Variants in ZNF106 observed in about 807,000 individuals in gnomAD.
ZNF106 encodes the protein SH3-domain binding protein 3.
Under a neutral mutation model 195.1 loss-of-function variants are expected in ZNF106, and 67 were observed. The ratio of observed to expected loss-of-function variants is 0.34; its 90% CI spans 0.28 to 0.42. ZNF106 has a LOEUF of 0.42. ZNF106 is among the 10% of genes least tolerant of loss of function. The pLI, the probability that ZNF106 is intolerant of heterozygous loss-of-function variation, is 1.00. For synonymous variants in ZNF106, 784 were observed against 818.6 expected (o/e 0.96, Z 0.72); for missense variants, 2,118 against 2,304.5 (o/e 0.92, Z 1.66).
chr15:42,446,729 C>G (rs976121930), intron 6 of ZNF106, 71 bp from the exon 7 acceptor site: 9 of 1,306,272 alleles, frequency 6.9e-6, no homozygotes, highest in South Asian at 1.4e-5. Context: ...AAAAAGGAAT[C>G]AATTCTAAGA....
In ZNF106 at chr15:42,417,065, G is replaced by A. The variant is rs2054483311; in HGVS notation, c.*239C>T. Reference sequence around the variant, plus strand: ...AGCATATATCACTATATGCCATGCTGTCCCAGAGAAGTATGGTTCCTTAAC... The same window carrying A: ...AGCATATATCACTATATGCCATGCTATCCCAGAGAAGTATGGTTCCTTAAC... On this transcript the variant is annotated 3_prime_UTR_variant, in exon 22 of 22. Coordinates refer to ENST00000564754, the MANE Select transcript of ZNF106 (RefSeq NM_001366845.3). The A allele has an allele frequency of 4.0e-6, 2 of 495,246 alleles. No homozygotes were observed. Among genetic ancestry groups the A allele is most frequent in the African/African-American group, 1.9e-5 (1 of 51,640 alleles). The allele number at this position is 495,246 out of a possible 1,614,324, so 30.7% of individuals were successfully genotyped here. A position where few individuals can be genotyped will look rare whatever the true frequency, so the allele number is the denominator to read the frequency against.
At chr15:42,484,485 G>C (rs2056966740) in intron 1 of ZNF106, among the ~76,000 whole-genome samples, 1 of 152,246 alleles carries the variant, frequency 6.6e-6, no homozygotes, top group Non-Finnish European at 1.5e-5. Flanking sequence ...GAATAGGATA[G>C]GCATGGCGGC....
intron 3 of ZNF106, among the ~76,000 whole-genome samples, chr15:42,461,993 T>C (rs2056401880): frequency 6.6e-6 from 1 of 152,216 alleles, no homozygotes; most frequent in South Asian, 2.1e-4. Context: ...GTCTTCTCTC[T>C]TATATGTAAC....
At chr15:42,478,608 C>G (rs1198243934) in intron 1 of ZNF106, among the ~76,000 whole-genome samples, 1 of 148,460 alleles carries the variant, frequency 6.7e-6, no homozygotes, top group Non-Finnish European at 1.5e-5. Context: ...CTCCGCCTCC[C>G]AGGTTCAAGC....
At chr15:42,442,444 T>A (rs1230732723) in intron 9 of ZNF106, 30 bp from the exon 10 acceptor site, 1 of 1,546,560 alleles carries the variant, frequency 6.5e-7, no homozygotes, top group Admixed American at 2.0e-5. Context: ...TACATAGAAA[T>A]GCAAAAATGT....
chr15:42,424,238 C>G (rs1041791521), intron 16 of ZNF106, 178 bp from the exon 17 acceptor site: 12 of 576,070 alleles, frequency 2.1e-5, no homozygotes, highest in African/African-American at 3.8e-5. Flanking sequence ...CCCTACCAAG[C>G]ATGCTAATGA....
At chr15:42,466,832 G>A (rs2056529330) in intron 2 of ZNF106, among the ~76,000 whole-genome samples, 1 of 152,132 alleles carries the variant, frequency 6.6e-6, no homozygotes, top group Admixed American at 6.6e-5. Flanking sequence ...TGGGAAAGCT[G>A]CCACTTAAAA....
At chr15:42,463,142 A>C (rs551422760) in intron 3 of ZNF106, among the ~76,000 whole-genome samples, 5 of 152,220 alleles carry the variant, frequency 3.3e-5, no homozygotes, top group Non-Finnish European at 2.9e-5. Flanking sequence ...TGACGTCTGA[A>C]ATAAATGAGG....
chr15:42,472,292 T>C lies in ZNF106; in HGVS notation c.-3A>G. ...ATGCATTTTCGTTCTCGTACCATAG[T>C]GACCAGATCTGAAGCACTCAACGTC... On this transcript the variant is annotated 5_prime_UTR_variant, in exon 2 of 22. Transcript: ENST00000564754. 1 of 1,535,766 alleles carries C rather than the reference T, an allele frequency of 6.5e-7. No individual in the cohort carries two copies. The highest frequency in any genetic ancestry group is 1.2e-5 in the South Asian group (1 of 83,962).
intron 13 of ZNF106, 85 bp from the exon 14 acceptor site, chr15:42,435,603 A>G: frequency 6.5e-7 from 1 of 1,537,318 alleles, no homozygotes; most frequent in Non-Finnish European, 8.9e-7. Context: ...AGATGCTAAA[A>G]CATTCAGTTC....
intron 2 of ZNF106, among the ~76,000 whole-genome samples, chr15:42,469,177 C>T (rs142656032): frequency 7.0e-4 from 106 of 152,076 alleles, no homozygotes; most frequent in African/African-American, 2.4e-3. Flanking sequence ...AAGAGCAAAA[C>T]GCCGTCTAAA....
At chr15:42,437,109 G>T in intron 13 of ZNF106, 123 bp downstream of exon 13, 2 of 1,033,606 alleles carry the variant, frequency 1.9e-6, no homozygotes, top group Non-Finnish European at 1.4e-6. Context: ...TGCATCTAAA[G>T]TCAATCTCAG....
chr15:42,451,913 T>C lies in ZNF106; in HGVS notation c.359A>G (p.Asp120Gly). The C allele has an allele frequency of 6.2e-7, 1 of 1,613,344 alleles. No individual in the cohort carries two copies. Among genetic ancestry groups the C allele is most frequent in the Non-Finnish European group, 8.5e-7 (1 of 1,179,768 alleles). ...TCGTCTCCATTGGGGTCGTCTGTCA[T>C]CAGAGTTTATTTCTTGGTTGCTATT... ...PSNSNQEINSDDRRPQWRRED... is the reference protein window; with the variant it reads ...PSNSNQEINSGDRRPQWRRED... The change falls in exon 5 of 22, where the codon GAT (aspartate) becomes GGT (glycine). Residue 120 changes from aspartate to glycine, a missense_variant. Transcript: ENST00000564754.
chr15:42,463,455 G>T (rs925532450), intron 3 of ZNF106, among the ~76,000 whole-genome samples: 1 of 152,124 alleles, frequency 6.6e-6, no homozygotes, highest in Non-Finnish European at 1.5e-5. Flanking sequence ...CACCACTTTG[G>T]AAGGCAGAGG....
chr15:42,441,727 G>C (rs2055542990), intron 10 of ZNF106: 1 of 170,740 alleles, frequency 5.9e-6, no homozygotes, highest in Non-Finnish European at 1.2e-5. Flanking sequence ...AAGAAATTCA[G>C]AGGATAGACC....
At position 42,416,559 on chromosome 15, in the gene ZNF106, G is replaced by A. The variant is rs1388759027; in HGVS notation, c.*745C>T. 6.6e-6 allele frequency: 1 copy of A among 152,228 alleles called. No individual in the cohort carries two copies. Among genetic ancestry groups the A allele is most frequent in the African/African-American group, 2.4e-5 (1 of 41,424 alleles). 9.4% of individuals were successfully genotyped at this position (152,228 alleles called of 1,614,324 possible). ...GCCCAGGTTCAACAGCAGATGTAAA[G>A]GTAGACGTTAGGTCTACGCACTGCC... On this transcript the variant is annotated 3_prime_UTR_variant, in exon 22 of 22. Transcript: ENST00000564754.
At chr15:42,464,827 T>C (rs2056478396) in intron 3 of ZNF106, among the ~76,000 whole-genome samples, 3 of 152,130 alleles carry the variant, frequency 2.0e-5, no homozygotes, top group Non-Finnish European at 4.4e-5. Context: ...AACTGAATCA[T>C]AGGGGCAGTT....
chr15:42,452,291 G>A (rs940513128), intron 4 of ZNF106, among the ~76,000 whole-genome samples: 1 of 152,004 alleles, frequency 6.6e-6, no homozygotes, highest in Non-Finnish European at 1.5e-5. Context: ...GGGAGGCCGA[G>A]GCGGGCAGTT....
At position 42,416,201 on chromosome 15, in the gene ZNF106, G is replaced by C. The variant is rs139959105; in HGVS notation, c.*1103C>G. ...CTGCTCCACTCTTCTTTCCCAGCTA[G>C]CAGGGAAGTGAAGGCAAAGAACTGT... On this transcript the variant is annotated 3_prime_UTR_variant, in exon 22 of 22. Coordinates refer to ENST00000564754, the MANE Select transcript of ZNF106 (RefSeq NM_001366845.3). 1 of 152,232 alleles carries C rather than the reference G, an allele frequency of 6.6e-6. No individual in the cohort carries two copies. The highest frequency in any genetic ancestry group is 2.4e-5 in the African/African-American group (1 of 41,442). 9.4% of individuals were successfully genotyped at this position (152,232 alleles called of 1,614,324 possible). A position where few individuals can be genotyped will look rare whatever the true frequency, so the allele number is the denominator to read the frequency against.
Sources: allele counts gnomAD v4.1 joint callset (sites outside exome capture counted in the v4.1 genomes callset), GRCh38; gene constraint gnomAD v4.1.1; transcripts MANE v1.5; gene names NCBI Gene and HGNC (gene_info 2026-07-23, HGNC 2026-07-21).